Variants in EGF observed in about 807,000 individuals in gnomAD.
EGF encodes pro-epidermal growth factor.
Under a neutral mutation model 143.8 loss-of-function variants are expected in EGF, and 95 were observed. The observed-to-expected ratio is 0.66, with a 90% CI of 0.56 to 0.78. EGF has a LOEUF of 0.78. Among genes scored for constraint, EGF ranks in the 30% least tolerant of loss-of-function variants. The pLI is 0.00. For missense variants in EGF, 1,320 were observed against 1,470.9 expected, an observed-to-expected ratio of 0.90 and a Z score of 1.68; for synonymous variants, 510 against 510.5, an observed-to-expected ratio of 1.00 and a Z score of 0.01.
At chr4:109,998,301 T>G (rs1752100326) in intron 20 of EGF, among the ~76,000 whole-genome samples, 1 of 152,258 alleles carries the variant, frequency 6.6e-6, no homozygotes, top group African/African-American at 2.4e-5. Flanking sequence ...TGATGGTCCT[T>G]TATGCTTTTG....
intron 10 of EGF, among the ~76,000 whole-genome samples, chr4:109,965,805 T>C (rs1578282119): frequency 6.6e-6 from 1 of 152,266 alleles, no homozygotes; most frequent in East Asian, 1.9e-4. Context: ...GTGATTCTTA[T>C]GCACATTAGA....
Position 110,011,506 on chromosome 4 carries a change from G to A in EGF, c.*51G>A, listed in dbSNP as rs563227555. 7 of 1,613,544 alleles carry A rather than the reference G, an allele frequency of 4.3e-6. No homozygotes were observed. In the Admixed American group the frequency reaches 8.3e-5, roughly 19 times the overall value. ...GAAGAATGAACTATGTCGATGCACA[G>A]TATCTTTTCTTTCAAAAGTAGAGCA... On this transcript the variant is annotated 3_prime_UTR_variant, in exon 24 of 24. Transcript: ENST00000265171.
intron 1 of EGF, among the ~76,000 whole-genome samples, chr4:109,914,546 C>G (rs1034065921): frequency 9.9e-5 from 15 of 152,164 alleles, no homozygotes; most frequent in Admixed American, 6.5e-5. Context: ...GGACTCTGTT[C>G]TCAGGTAGCA....
chr4:110,010,621 T>C (rs1012368352), intron 23 of EGF, among the ~76,000 whole-genome samples: 4 of 152,088 alleles, frequency 2.6e-5, no homozygotes, highest in African/African-American at 4.8e-5. Flanking sequence ...CCAGCTAGTT[T>C]TTTATTTTAT....
At chr4:109,938,825 T>A (rs1741378737) in intron 1 of EGF, among the ~76,000 whole-genome samples, 1 of 152,334 alleles carries the variant, frequency 6.6e-6, no homozygotes, top group East Asian at 1.9e-4. Context: ...TAGACCTTGT[T>A]TGCCTGGGTA....
Position 110,011,561 on chromosome 4 carries a change from A to C in EGF, c.*106A>C. The C allele has an allele frequency of 6.5e-7, 1 of 1,541,686 alleles. No individual in the cohort carries two copies. The highest frequency in any genetic ancestry group is 8.9e-7 in the Non-Finnish European group (1 of 1,127,770). On this transcript the variant is annotated 3_prime_UTR_variant, in exon 24 of 24. Coordinates refer to ENST00000265171, the MANE Select transcript of EGF (RefSeq NM_001963.6). ...TATAGGTTTTGGTTCCACAATCTCT[A>C]CGACTAATCACCTACTCAATGCCTG...
chr4:109,936,091 C>G (rs1197638898), intron 1 of EGF, among the ~76,000 whole-genome samples: 2 of 152,064 alleles, frequency 1.3e-5, no homozygotes, highest in Non-Finnish European at 2.9e-5. Context: ...CTCTCTTTTT[C>G]TATTGATTGG....
chr4:109,919,212 T>C (rs767825332), intron 1 of EGF, among the ~76,000 whole-genome samples: 1 of 151,926 alleles, frequency 6.6e-6, no homozygotes, highest in Non-Finnish European at 1.5e-5. Context: ...CCTTCTACAA[T>C]GGGAGATGTT....
chr4:109,968,676 CTAT>C lies in EGF; in HGVS notation c.1576-294_1576-292del, dbSNP rs1747012103. On this transcript the variant is annotated intron_variant, in intron 10 of 23. Coordinates refer to ENST00000265171, the MANE Select transcript of EGF (RefSeq NM_001963.6). Reference sequence around the variant, plus strand: ...TATGTATATTTATATCTATATACATCTATCTATCTATCTATCTATCTATCTATC... The same window carrying C: ...TATGTATATTTATATCTATATACATCCTATCTATCTATCTATCTATCTATC... 6.0e-5 allele frequency: 8 copies of C among 132,772 alleles called. No individual in the cohort carries two copies. In the Admixed American group the frequency reaches 7.7e-4, roughly 13 times the overall value. 8.2% of individuals were successfully genotyped at this position (132,772 alleles called of 1,614,324 possible). A position where few individuals can be genotyped will look rare whatever the true frequency, so the allele number is the denominator to read the frequency against.
chr4:109,968,700 C>CTATG (rs1747037139), intron 10 of EGF: 1 of 427,098 alleles, frequency 2.3e-6, no homozygotes, highest in East Asian at 5.6e-5. Flanking sequence ...ATCTATCTAT[C>CTATG]TATCTATCTA....
intron 18 of EGF, among the ~76,000 whole-genome samples, chr4:109,992,039 T>C (rs565014584): frequency 6.6e-6 from 1 of 151,376 alleles, no homozygotes; most frequent in South Asian, 2.1e-4. Context: ...CCAATCATAG[T>C]GATGCAAGCC....
chr4:109,923,870 C>T, intron 1 of EGF, among the ~76,000 whole-genome samples: 1 of 151,498 alleles, frequency 6.6e-6, no homozygotes. Flanking sequence ...AGCCACCCAC[C>T]TTGGCCTCCC....
intron 20 of EGF, among the ~76,000 whole-genome samples, chr4:109,998,140 A>G (rs1752071126): frequency 6.6e-6 from 1 of 152,192 alleles, no homozygotes; most frequent in Non-Finnish European, 1.5e-5. Flanking sequence ...GGACTGACAT[A>G]TTCCTCAAGA....
intron 10 of EGF, among the ~76,000 whole-genome samples, chr4:109,968,577 C>T (rs1746979273): frequency 6.6e-6 from 1 of 152,018 alleles, no homozygotes; most frequent in Non-Finnish European, 1.5e-5. Flanking sequence ...GGAGATCTAT[C>T]TATCTATCTC....
At chr4:109,957,035 T>G (rs1347720534) in intron 5 of EGF, among the ~76,000 whole-genome samples, 1 of 152,148 alleles carries the variant, frequency 6.6e-6, no homozygotes, top group East Asian at 1.9e-4. Context: ...TCAGAATCTC[T>G]AGAGGGTGGC....
intron 1 of EGF, among the ~76,000 whole-genome samples, chr4:109,938,006 C>T (rs181195358): frequency 2.0e-5 from 3 of 152,180 alleles, no homozygotes; most frequent in East Asian, 3.9e-4. Context: ...TTGCTCTTCT[C>T]GAGGAGTATC....
chr4:109,969,145 C>T lies in EGF; in HGVS notation c.1724+26C>T, dbSNP rs1250077923. On this transcript the variant is annotated intron_variant, in intron 11 of 23. Transcript: ENST00000265171. ...GTATGTTTTCTGCTTCAGTTTTAAGCTGTGTGAGATGGGAGTGATGGGATA... is the reference window on the plus strand; with the variant it reads ...GTATGTTTTCTGCTTCAGTTTTAAGTTGTGTGAGATGGGAGTGATGGGATA... 1.9e-6 allele frequency: 3 copies of T among 1,613,986 alleles called. No homozygotes were observed. In the South Asian group the frequency reaches 3.3e-5, roughly 18 times the overall value.
At chr4:109,955,359 T>A (rs1294007204) in intron 5 of EGF, among the ~76,000 whole-genome samples, 1 of 152,158 alleles carries the variant, frequency 6.6e-6, no homozygotes, top group Non-Finnish European at 1.5e-5. Flanking sequence ...GCAGCAGCAT[T>A]CTCAGTGCTG....
chr4:109,949,343 A>G lies in EGF; in HGVS notation c.940+4068A>G, dbSNP rs763803862. On this transcript the variant is annotated intron_variant, in intron 5 of 23. Transcript: ENST00000265171. ...CAGCCTCCCAAAGTGCTGGGATTAC[A>G]GGCTTGAGCCGCCGTGCCTGGCCTC... 1.7e-3 allele frequency among the ~76,000 whole-genome samples: 256 copies of G among 152,320 alleles called. 1 individual carries two copies. The highest frequency in any genetic ancestry group is 3.3e-3 in the Non-Finnish European group (224 of 68,032).
Sources: allele counts gnomAD v4.1 joint callset (sites outside exome capture counted in the v4.1 genomes callset), GRCh38; gene constraint gnomAD v4.1.1; transcripts MANE v1.5; gene names NCBI Gene and HGNC (gene_info 2026-07-23, HGNC 2026-07-21).